Variants in FAM185A observed in about 807,000 individuals in gnomAD.
The protein encoded by FAM185A is family with sequence similarity 185 member A.
In FAM185A, 21 loss-of-function variants were observed where a neutral mutation model predicts 45.7. The observed-to-expected ratio is 0.46, with a 90% CI of 0.33 to 0.66. FAM185A has a LOEUF of 0.66. Ranked by LOEUF, FAM185A falls within the 30% of genes least tolerant of loss-of-function variation. FAM185A has a pLI of 0.03. For missense variants in FAM185A, 305 were observed against 485.4 expected, an observed-to-expected ratio of 0.63 and a Z score of 3.49; for synonymous variants, 117 against 194.0, an observed-to-expected ratio of 0.60 and a Z score of 3.30.
chr7:102,772,349 T>C (rs1268163209), intron 4 of FAM185A, 60 bp from the exon 5 acceptor site: 48 of 992,134 alleles, frequency 4.8e-5, no homozygotes, highest in Non-Finnish European at 7.2e-5. Flanking sequence ...CATTGCTATG[T>C]ATCACAGTTC....
chr7:102,807,246 G>T (rs1011580530), intron 7 of FAM185A, among the ~76,000 whole-genome samples: 2 of 152,092 alleles, frequency 1.3e-5, no homozygotes, highest in African/African-American at 2.4e-5. Flanking sequence ...TGACTACAAA[G>T]AAATTTTTGG....
chr7:102,845,731 A>G, the FAM185A span, among the ~76,000 whole-genome samples: 2 of 152,164 alleles, frequency 1.3e-5, no homozygotes, highest in East Asian at 1.9e-4. Flanking sequence ...CCCCTGGACT[A>G]TAACAAAAAC....
chr7:102,769,084 T>C (rs1448739901), intron 4 of FAM185A, among the ~76,000 whole-genome samples: 1 of 152,168 alleles, frequency 6.6e-6, no homozygotes, highest in Non-Finnish European at 1.5e-5. Context: ...AGAGATTTTC[T>C]AAATATTTTG....
At chr7:102,805,591 C>T (rs966579979) in intron 7 of FAM185A, among the ~76,000 whole-genome samples, 1 of 152,082 alleles carries the variant, frequency 6.6e-6, no homozygotes, top group East Asian at 1.9e-4. Flanking sequence ...GTATACTCCT[C>T]AAGTGATGGG....
At chr7:102,797,348 A>C (rs1400658620) in intron 7 of FAM185A, among the ~76,000 whole-genome samples, 2 of 151,586 alleles carry the variant, frequency 1.3e-5, no homozygotes, top group African/African-American at 2.4e-5. Context: ...CTGTAGTCCC[A>C]GCTACTCGGG....
chr7:102,845,387 G>A, the FAM185A span, among the ~76,000 whole-genome samples: 1 of 152,150 alleles, frequency 6.6e-6, no homozygotes, highest in Non-Finnish European at 1.5e-5. Context: ...AGCCCTTTAA[G>A]GAGCTCTGTG....
At chr7:102,806,125 T>C (rs1562881670) in intron 7 of FAM185A, among the ~76,000 whole-genome samples, 1 of 143,154 alleles carries the variant, frequency 7.0e-6, no homozygotes, top group Admixed American at 6.8e-5. Context: ...TTTTTGGTTA[T>C]TGTTTTAAGC....
At chr7:102,814,270 G>A in the FAM185A span, 1 of 152,168 alleles carries the variant, frequency 6.6e-6, no homozygotes, top group Non-Finnish European at 1.5e-5. Context: ...TGTACGATTA[G>A]AAATGAGTAA....
At chr7:102,791,081 T>C (rs1232308692) in intron 7 of FAM185A, among the ~76,000 whole-genome samples, 1 of 152,160 alleles carries the variant, frequency 6.6e-6, no homozygotes, top group Non-Finnish European at 1.5e-5. Flanking sequence ...GGCCAAAGTA[T>C]AGAGAGTAAA....
At chr7:102,849,199 G>A in the FAM185A span, among the ~76,000 whole-genome samples, 1 of 152,190 alleles carries the variant, frequency 6.6e-6, no homozygotes, top group African/African-American at 2.4e-5. Context: ...CTCAGTTACA[G>A]CTGCATCAAA....
chr7:102,756,110 C>CTA (rs1793709095), intron 2 of FAM185A, among the ~76,000 whole-genome samples: 1 of 151,042 alleles, frequency 6.6e-6, no homozygotes, highest in Non-Finnish European at 1.5e-5. Context: ...GTTAACCATG[C>CTA]TATAGTACAG....
the FAM185A span, among the ~76,000 whole-genome samples, chr7:102,846,615 CAA>C: frequency 6.5e-5 from 8 of 122,460 alleles, no homozygotes; most frequent in Non-Finnish European, 7.1e-5. Flanking sequence ...GACTCAGTCT[CAA>C]AAAAAAAAAA....
intron 7 of FAM185A, among the ~76,000 whole-genome samples, chr7:102,796,940 G>T (rs1796466125): frequency 6.6e-6 from 1 of 152,172 alleles, no homozygotes; most frequent in Admixed American, 6.5e-5. Flanking sequence ...GAAAAGATTT[G>T]AGGAAGAAAC....
At chr7:102,837,582 G>T in the FAM185A span, among the ~76,000 whole-genome samples, 2 of 152,172 alleles carry the variant, frequency 1.3e-5, no homozygotes, top group African/African-American at 4.8e-5. Flanking sequence ...TTTTGACAGG[G>T]TCCTGCTCTG....
At chr7:102,836,870 C>T in the FAM185A span, among the ~76,000 whole-genome samples, 1 of 152,222 alleles carries the variant, frequency 6.6e-6, no homozygotes, top group Non-Finnish European at 1.5e-5. Context: ...CTTAGAAAAG[C>T]TCACTTCGTG....
chr7:102,812,677 GCTTT>G (rs1054761906), downstream of FAM185A, among the ~76,000 whole-genome samples: 1 of 151,928 alleles, frequency 6.6e-6, no homozygotes, highest in African/African-American at 2.4e-5. Flanking sequence ...GGCCATCTCT[GCTTT>G]CTTTTTCCTT....
At chr7:102,824,329 G>A in the FAM185A span, among the ~76,000 whole-genome samples, 1 of 151,996 alleles carries the variant, frequency 6.6e-6, no homozygotes, top group Non-Finnish European at 1.5e-5. Flanking sequence ...AATAATATAA[G>A]CACATTGCCA....
At chr7:102,830,616 C>T in the FAM185A span, among the ~76,000 whole-genome samples, 47 of 152,302 alleles carry the variant, frequency 3.1e-4, no homozygotes, top group Non-Finnish European at 5.1e-4. Context: ...CGGTTTACCA[C>T]ATCTTTTTCC....
At chr7:102,810,431 C>T (rs1036475155), downstream of FAM185A, among the ~76,000 whole-genome samples, 3 of 152,104 alleles carry the variant, frequency 2.0e-5, no homozygotes, top group Non-Finnish European at 4.4e-5. Flanking sequence ...TGGGTTTCAC[C>T]ATGTTGGCCA....
Sources: gnomAD v4.1 joint callset for allele counts (sites outside exome capture counted in the v4.1 genomes callset) on GRCh38, gnomAD v4.1.1 for gene constraint, MANE v1.5 for transcripts, NCBI Gene and HGNC (gene_info 2026-07-23, HGNC 2026-07-21) for gene names.